The following PPP6R3 variants were observed in gnomAD, a reference collection of about 807,000 sequenced individuals.
The protein encoded by PPP6R3 is protein phosphatase 6 regulatory subunit 3, also known as serine/threonine-protein phosphatase 6 regulatory subunit 3.
In PPP6R3, 38 loss-of-function variants were observed where a neutral mutation model predicts 110.7. The observed-to-expected ratio is 0.34, with a 90% CI of 0.26 to 0.45. The LOEUF (loss-of-function observed/expected upper bound fraction) is 0.45, where lower values mean the gene tolerates loss of function less well. Among genes scored for constraint, PPP6R3 ranks in the 20% least tolerant of loss-of-function variants. The pLI is 1.00. For missense variants in PPP6R3, 870 were observed against 1,062.4 expected (o/e 0.82, Z 2.52); for synonymous variants, 369 against 373.5 (o/e 0.99, Z 0.14).
At chr11:68,568,771 A>AT (rs2099489733) in intron 10 of PPP6R3, among the ~76,000 whole-genome samples, 5 of 151,124 alleles carry the variant, frequency 3.3e-5, no homozygotes, top group Non-Finnish European at 7.4e-5. Flanking sequence ...AAATTCTTAC[A>AT]ATTTTTTTTT....
At chr11:68,485,898 A>T (rs1420091650) in intron 1 of PPP6R3, among the ~76,000 whole-genome samples, 2 of 151,982 alleles carry the variant, frequency 1.3e-5, no homozygotes, top group Non-Finnish European at 2.9e-5. Flanking sequence ...GGCTGGGCAC[A>T]GTGGCTCACA....
intron 1 of PPP6R3, among the ~76,000 whole-genome samples, chr11:68,518,437 A>G (rs916558499): frequency 6.6e-6 from 1 of 152,192 alleles, no homozygotes; most frequent in African/African-American, 2.4e-5. Context: ...GATGAGAGGA[A>G]ATTAAGGAAA....
intron 2 of PPP6R3, among the ~76,000 whole-genome samples, chr11:68,519,977 C>T (rs2099155873): frequency 6.6e-6 from 1 of 152,194 alleles, no homozygotes; most frequent in Non-Finnish European, 1.5e-5. Flanking sequence ...GCCACTGCTT[C>T]CAGGGCACCG....
At chr11:68,493,341 A>G (rs1321828151) in intron 1 of PPP6R3, among the ~76,000 whole-genome samples, 1 of 152,144 alleles carries the variant, frequency 6.6e-6, no homozygotes, top group Non-Finnish European at 1.5e-5. Flanking sequence ...AGCCATTATC[A>G]CTATTATTCT....
chr11:68,521,005 C>G (rs2099161746), intron 2 of PPP6R3, among the ~76,000 whole-genome samples: 1 of 152,208 alleles, frequency 6.6e-6, no homozygotes, highest in Non-Finnish European at 1.5e-5. Flanking sequence ...CTCCTGGCCT[C>G]AAGTGATCCA....
Position 68,477,739 on chromosome 11 carries a change from A to ATAT in PPP6R3, c.-158+16912_-158+16913insTAT, listed in dbSNP as rs768026020. On this transcript the variant is annotated intron_variant, in intron 1 of 23. Coordinates refer to ENST00000393800, the MANE Select transcript of PPP6R3 (RefSeq NM_001164161.2). ...GAGACATTGTCTCTTAAAAAAAAAA[A>ATAT]AAATATATATATATATATATATATA... 4.2e-3 allele frequency among the ~76,000 whole-genome samples: 341 copies of ATAT among 80,338 alleles called. 1 individual carries two copies. Among genetic ancestry groups the ATAT allele is most frequent in the Non-Finnish European group, 6.8e-3 (279 of 41,234 alleles). The allele number at this position is 80,338 out of a possible 152,430, so 52.7% of individuals were successfully genotyped here. A position where few individuals can be genotyped will look rare whatever the true frequency, so the allele number is the denominator to read the frequency against.
At chr11:68,490,515 A>C (rs1212876725) in intron 1 of PPP6R3, among the ~76,000 whole-genome samples, 1 of 152,042 alleles carries the variant, frequency 6.6e-6, no homozygotes, top group Non-Finnish European at 1.5e-5. Flanking sequence ...ACAATTTGGA[A>C]AAATCTCCGT....
At chr11:68,566,970 T>G (rs769293092) in intron 9 of PPP6R3, 44 bp from the exon 10 acceptor site, 12 of 1,511,018 alleles carry the variant, frequency 7.9e-6, no homozygotes, top group African/African-American at 4.2e-5. Context: ...CCATTTGCTT[T>G]GTTCATTTAA....
At chr11:68,609,768 G>A in intron 22 of PPP6R3, 136 bp from the exon 23 acceptor site, 7 of 1,550,850 alleles carry the variant, frequency 4.5e-6, no homozygotes, top group Non-Finnish European at 6.2e-6. Flanking sequence ...CGTGCACCCT[G>A]CGCATGCTCA....
At position 68,591,474 on chromosome 11, in the gene PPP6R3, T is replaced by A. The variant is rs2099595183; in HGVS notation, c.1786-102T>A. ...TTGGTGTATGTGATAGGCACCATAT[T>A]GTAAAGCAGTGAAAAAATGCAATTT... is the stretch of plus-strand genomic sequence containing the variant. On this transcript the variant is annotated intron_variant, in intron 17 of 23. Coordinates refer to ENST00000393800, the MANE Select transcript of PPP6R3 (RefSeq NM_001164161.2). The A allele has an allele frequency of 2.7e-6, 3 of 1,118,844 alleles. No individual in the cohort carries two copies. In the Admixed American group the frequency reaches 8.9e-5, roughly 33 times the overall value. The allele number at this position is 1,118,844 out of a possible 1,614,324, so 69.3% of individuals were successfully genotyped here. A position where few individuals can be genotyped will look rare whatever the true frequency, so the allele number is the denominator to read the frequency against.
At chr11:68,476,810 C>T (rs2098836115) in intron 1 of PPP6R3, among the ~76,000 whole-genome samples, 1 of 151,916 alleles carries the variant, frequency 6.6e-6, no homozygotes, top group African/African-American at 2.4e-5. Context: ...ATGCTTGAGC[C>T]CAGGAGTTTG....
chr11:68,463,141 A>C (rs2098720197), intron 1 of PPP6R3, among the ~76,000 whole-genome samples: 1 of 152,110 alleles, frequency 6.6e-6, no homozygotes, highest in African/African-American at 2.4e-5. Flanking sequence ...TGGGAGGCCG[A>C]GGCTGGCGGA....
chr11:68,546,289 C>T (rs1312434344), intron 4 of PPP6R3, among the ~76,000 whole-genome samples: 1 of 152,170 alleles, frequency 6.6e-6, no homozygotes, highest in African/African-American at 2.4e-5. Flanking sequence ...TCCTATCACC[C>T]TGATATTACC....
chr11:68,487,839 CTGT>C (rs770634077), intron 1 of PPP6R3, among the ~76,000 whole-genome samples: 13 of 152,198 alleles, frequency 8.5e-5, no homozygotes, highest in South Asian at 2.1e-4. Flanking sequence ...CTGTAATCTG[CTGT>C]TGTTGAAATA....
intron 3 of PPP6R3, among the ~76,000 whole-genome samples, chr11:68,541,867 C>T (rs1276557535): frequency 6.6e-6 from 1 of 152,010 alleles, no homozygotes; most frequent in Non-Finnish European, 1.5e-5. Context: ...TCATAAGAAA[C>T]CACTCAGTTT....
At chr11:68,603,816 C>T (rs927057434) in intron 22 of PPP6R3, among the ~76,000 whole-genome samples, 7 of 152,140 alleles carry the variant, frequency 4.6e-5, no homozygotes, top group Non-Finnish European at 1.0e-4. Context: ...CCATGAAAAC[C>T]GGTTTCAGGT....
intron 1 of PPP6R3, among the ~76,000 whole-genome samples, chr11:68,463,370 A>G (rs2098722292): frequency 6.6e-6 from 1 of 151,188 alleles, no homozygotes; most frequent in Admixed American, 6.6e-5. Context: ...AAAAAAAAAA[A>G]AAAAAAAGAT....
intron 4 of PPP6R3, 122 bp downstream of exon 4, chr11:68,545,146 A>G (rs2099344549): frequency 1.6e-6 from 1 of 641,904 alleles, no homozygotes; most frequent in Non-Finnish European, 2.5e-6. Context: ...AAGAGAATGT[A>G]TTTTAAACCT....
chr11:68,537,913 TGTAGA>T (rs750924882), intron 3 of PPP6R3, 22 bp downstream of exon 3: 1 of 1,554,878 alleles, frequency 6.4e-7, no homozygotes, highest in South Asian at 1.1e-5. Context: ...CAATCTTCTC[TGTAGA>T]GTGGGACTAA....
Sources: allele counts gnomAD v4.1 joint callset (sites outside exome capture counted in the v4.1 genomes callset), GRCh38; gene constraint gnomAD v4.1.1; transcripts MANE v1.5; gene names NCBI Gene and HGNC (gene_info 2026-07-23, HGNC 2026-07-21).